The following PLEKHH2 variants were observed in gnomAD, a reference collection of about 807,000 sequenced individuals.
PLEKHH2 encodes pleckstrin homology, MyTH4 and FERM domain containing H2.
In PLEKHH2, 129 loss-of-function variants were observed where a neutral mutation model predicts 187.9. The observed-to-expected ratio is 0.69, with a 90% CI of 0.59 to 0.79. The LOEUF (loss-of-function observed/expected upper bound fraction) is 0.79. Ranked by LOEUF, PLEKHH2 falls within the 30% of genes least tolerant of loss-of-function variation. PLEKHH2 has a pLI of 0.00. For synonymous variants in PLEKHH2, 686 were observed against 605.6 expected (o/e 1.13, Z -1.95); for missense variants, 2,076 against 1,751.2 (o/e 1.19, Z -3.31).
chr2:43,695,930 C>T (rs1420454794), intron 6 of PLEKHH2, among the ~76,000 whole-genome samples: 1 of 152,148 alleles, frequency 6.6e-6, no homozygotes, highest in African/African-American at 2.4e-5. Flanking sequence ...TTGAGGGTAG[C>T]TCTGAGGCAC....
At chr2:43,759,584 A>T (rs1672348648) in intron 27 of PLEKHH2, among the ~76,000 whole-genome samples, 1 of 152,194 alleles carries the variant, frequency 6.6e-6, no homozygotes. Flanking sequence ...CCAAGGGAAA[A>T]ATTATGCCTT....
chr2:43,658,986 T>TC (rs1666930925), intron 2 of PLEKHH2: 1 of 148,464 alleles, frequency 6.7e-6, no homozygotes, highest in Admixed American at 6.7e-5. Flanking sequence ...TTTTTTTTTT[T>TC]TTTTGAAACA....
At chr2:43,646,355 T>C (rs1165470805) in intron 2 of PLEKHH2, among the ~76,000 whole-genome samples, 1 of 152,162 alleles carries the variant, frequency 6.6e-6, no homozygotes, top group East Asian at 1.9e-4. Context: ...ACAGTGATTT[T>C]TGTCAGGATC....
In PLEKHH2 at chr2:43,703,978, T is replaced by C; in HGVS notation, c.1651-3T>C. The stretch of plus-strand genomic sequence containing the variant: ...CCTGTTCAAACTCTCTCTTTTACCC[T>C]AGGAAAGCAGAATTTATGCTGTAGC... On this transcript the variant is annotated splice_region_variant and splice_polypyrimidine_tract_variant and intron_variant, in intron 8 of 29. Coordinates refer to ENST00000282406, the MANE Select transcript of PLEKHH2 (RefSeq NM_172069.4). 1 of 1,237,438 alleles carries C rather than the reference T, an allele frequency of 8.1e-7. No homozygotes were observed. Among genetic ancestry groups the C allele is most frequent in the Non-Finnish European group, 1.1e-6 (1 of 889,654 alleles). The allele number at this position is 1,237,438 out of a possible 1,614,324, so 76.7% of individuals were successfully genotyped here.
Position 43,697,264 on chromosome 2 carries a change from G to C in PLEKHH2, c.596G>C (p.Arg199Pro), listed in dbSNP as rs200313721. The change falls in exon 7 of 30, where the codon CGA becomes CCA. Residue 199 changes from arginine (R) to proline (P), a missense_variant. Transcript: ENST00000282406. ...SSLTFGCFLS[R>P]ARSPPQVVKS... ...TTGACCTTTGGGTGCTTTTTATCTC[G>C]AGCAAGGAGTCCTCCTCAAGTAGTA... The C allele has an allele frequency of 3.1e-6, 5 of 1,613,800 alleles. No individual in the cohort carries two copies. In the East Asian group the frequency reaches 8.9e-5, roughly 29 times the overall value.
At chr2:43,659,525 T>C (rs1164582306) in intron 2 of PLEKHH2, among the ~76,000 whole-genome samples, 1 of 152,140 alleles carries the variant, frequency 6.6e-6, no homozygotes, top group Non-Finnish European at 1.5e-5. Context: ...GTTATCTGTC[T>C]TTCTTAGTTT....
intron 2 of PLEKHH2, among the ~76,000 whole-genome samples, chr2:43,646,304 A>G (rs143632529): frequency 6.6e-6 from 1 of 152,274 alleles, no homozygotes; most frequent in African/African-American, 2.4e-5. Flanking sequence ...ATGTTGTACT[A>G]TGATTTATCC....
chr2:43,703,765 T>C (rs1442518235), intron 8 of PLEKHH2, among the ~76,000 whole-genome samples: 2 of 152,142 alleles, frequency 1.3e-5, no homozygotes, highest in African/African-American at 4.8e-5. Context: ...AAAAGATAAA[T>C]AATGGAAAAA....
chr2:43,708,734 T>C (rs72790984), intron 11 of PLEKHH2, among the ~76,000 whole-genome samples: 20,414 of 152,228 alleles, frequency 0.13, 1,689 homozygotes, highest in Non-Finnish European at 0.18. Context: ...CCTGGGAGCC[T>C]GAGACTTGTG....
At chr2:43,763,428 A>AT (rs148150394) in intron 28 of PLEKHH2, among the ~76,000 whole-genome samples, 6,202 of 150,430 alleles carry the variant, frequency 0.041, 153 homozygotes, top group African/African-American at 0.049. Context: ...TGATTTATTG[A>AT]TTTTTTTTTG....
Position 43,637,289 on chromosome 2 carries a change from G to C in PLEKHH2, c.-94G>C, listed in dbSNP as rs901856364. ...GCCCTCTCCGAGCTCGGCTTGAGGCGGGCGCGGGCTGAGAGTCCGGGGATC... is the reference window on the plus strand; with the variant it reads ...GCCCTCTCCGAGCTCGGCTTGAGGCCGGCGCGGGCTGAGAGTCCGGGGATC... On this transcript the variant is annotated 5_prime_UTR_variant, in exon 1 of 30. Transcript: ENST00000282406. The C allele has an allele frequency of 6.6e-6, 1 of 152,464 alleles. No individual in the cohort carries two copies. The highest frequency in any genetic ancestry group is 1.9e-4 in the East Asian group (1 of 5,200). 9.4% of individuals were successfully genotyped at this position (152,464 alleles called of 1,614,324 possible).
intron 17 of PLEKHH2, among the ~76,000 whole-genome samples, chr2:43,727,410 C>CAACAAAAAAAAAAAAA (rs1670811724): frequency 8.7e-6 from 1 of 114,842 alleles, no homozygotes; most frequent in African/African-American, 3.6e-5. Flanking sequence ...GACTCCGTCT[C>CAACAAAAAAAAAAAAA]AAAAAAAAAA....
chr2:43,647,666 C>G (rs1666246966), intron 2 of PLEKHH2, among the ~76,000 whole-genome samples: 1 of 152,164 alleles, frequency 6.6e-6, no homozygotes, highest in African/African-American at 2.4e-5. Flanking sequence ...TGTTGCATTC[C>G]AGAGACTGGT....
At chr2:43,739,697 G>C (rs763695619) in intron 20 of PLEKHH2, among the ~76,000 whole-genome samples, 2 of 152,176 alleles carry the variant, frequency 1.3e-5, no homozygotes, top group Non-Finnish European at 2.9e-5. Context: ...TGGCTCCACT[G>C]GCCCGCTCTT....
At chr2:43,754,795 G>A (rs1454868655) in intron 25 of PLEKHH2, among the ~76,000 whole-genome samples, 1 of 151,118 alleles carries the variant, frequency 6.6e-6, no homozygotes, top group Non-Finnish European at 1.5e-5. Flanking sequence ...TTTATTCTAT[G>A]CACCACCTAT....
chr2:43,707,817 G>A (rs1426352314), intron 11 of PLEKHH2, among the ~76,000 whole-genome samples: 2 of 151,124 alleles, frequency 1.3e-5, no homozygotes, highest in Admixed American at 1.3e-4. Context: ...TGAGATAATT[G>A]GCCAAAATGA....
intron 19 of PLEKHH2, among the ~76,000 whole-genome samples, chr2:43,736,243 C>T (rs763408994): frequency 1.3e-5 from 2 of 152,028 alleles, no homozygotes; most frequent in Non-Finnish European, 2.9e-5. Context: ...AAAAAACAAA[C>T]GCTTTTATGT....
At chr2:43,695,852 C>T (rs1446803996) in intron 6 of PLEKHH2, among the ~76,000 whole-genome samples, 1 of 152,166 alleles carries the variant, frequency 6.6e-6, no homozygotes, top group Non-Finnish European at 1.5e-5. Flanking sequence ...TTTGTAGCTG[C>T]ATTGAACACT....
rs5830767 is a variant in PLEKHH2, at chr2:43,705,251, CT to C, written c.1727-1049del. ...TTCTTTCCATTCAGGAAATTTTATC[CT>C]TTTTTTTTTTTTTTTTTTTTTGAGG... On this transcript the variant is annotated intron_variant, in intron 9 of 29. Coordinates refer to ENST00000282406, the MANE Select transcript of PLEKHH2 (RefSeq NM_172069.4). Among the ~76,000 whole-genome samples, 721 of 95,842 alleles carry C rather than the reference CT, an allele frequency of 7.5e-3. 2 individuals carry two copies. The highest frequency in any genetic ancestry group is 0.027 in the African/African-American group (627 of 23,390). 62.9% of individuals were successfully genotyped at this position (95,842 alleles called of 152,430 possible).
Sources: gnomAD v4.1 joint callset for allele counts (sites outside exome capture counted in the v4.1 genomes callset) on GRCh38, gnomAD v4.1.1 for gene constraint, MANE v1.5 for transcripts, NCBI Gene and HGNC (gene_info 2026-07-23, HGNC 2026-07-21) for gene names.